Variants in NPAS3 observed in about 807,000 individuals in gnomAD.
NPAS3 encodes the protein neuronal PAS domain-containing protein 3.
A neutral mutation model predicts 73.1 loss-of-function variants in NPAS3; 14 were observed. The ratio of observed to expected loss-of-function variants is 0.19; its 90% CI spans 0.13 to 0.30. The LOEUF (loss-of-function observed/expected upper bound fraction) is 0.30, where lower values mean the gene tolerates loss of function less well. NPAS3 is among the 10% of genes least tolerant of loss of function. The pLI is 1.00. For synonymous variants in NPAS3, 620 were observed against 541.5 expected (o/e 1.14, Z -2.01); for missense variants, 1,096 against 1,250.0 (o/e 0.88, Z 1.86).
intron 1 of NPAS3, among the ~76,000 whole-genome samples, chr14:33,004,261 A>G (rs1289117345): frequency 6.6e-6 from 1 of 152,182 alleles, no homozygotes; most frequent in Non-Finnish European, 1.5e-5. Context: ...CAAACGTCAT[A>G]GAGTACATTT....
At chr14:32,943,572 T>C (rs2036120593) in intron 1 of NPAS3, among the ~76,000 whole-genome samples, 1 of 152,184 alleles carries the variant, frequency 6.6e-6, no homozygotes, top group Non-Finnish European at 1.5e-5. Flanking sequence ...CCCTGCTCTG[T>C]GGTGAGGTTT....
chr14:33,129,994 G>A (rs1265453470), intron 2 of NPAS3, among the ~76,000 whole-genome samples: 2 of 152,130 alleles, frequency 1.3e-5, no homozygotes, highest in African/African-American at 4.8e-5. Context: ...TGTGTAACAT[G>A]TAGTTTTGTC....
At chr14:33,087,811 T>A (rs542815258) in intron 2 of NPAS3, among the ~76,000 whole-genome samples, 2 of 152,310 alleles carry the variant, frequency 1.3e-5, no homozygotes, top group South Asian at 4.1e-4. Flanking sequence ...ATCAAATAGA[T>A]CAGTTTTCTT....
At chr14:33,288,325 C>A (rs559260231) in intron 3 of NPAS3, among the ~76,000 whole-genome samples, 4 of 152,234 alleles carry the variant, frequency 2.6e-5, no homozygotes, top group Non-Finnish European at 5.9e-5. Context: ...TAAGGCCAGA[C>A]TTTGAGCATC....
chr14:33,511,457 C>T (rs2053046890), intron 4 of NPAS3, among the ~76,000 whole-genome samples: 1 of 152,000 alleles, frequency 6.6e-6, no homozygotes, highest in South Asian at 2.1e-4. Flanking sequence ...AGAGAAAGGG[C>T]CAAATTTCTA....
chr14:33,723,361 CCATT>C (rs1323175840), intron 6 of NPAS3, among the ~76,000 whole-genome samples: 2 of 152,082 alleles, frequency 1.3e-5, no homozygotes. Context: ...ATAGGATTCC[CCATT>C]CAATTTGGAA....
At chr14:33,364,429 C>A (rs772303140) in intron 3 of NPAS3, among the ~76,000 whole-genome samples, 21 of 152,170 alleles carry the variant, frequency 1.4e-4, no homozygotes, top group Non-Finnish European at 2.5e-4. Flanking sequence ...CTACCAGGGA[C>A]ATAATGGGCT....
At chr14:33,342,233 G>A (rs944960092) in intron 3 of NPAS3, among the ~76,000 whole-genome samples, 2 of 152,202 alleles carry the variant, frequency 1.3e-5, no homozygotes, top group African/African-American at 4.8e-5. Context: ...GTGATCATAA[G>A]CTGTGAATTG....
intron 2 of NPAS3, among the ~76,000 whole-genome samples, chr14:33,195,629 T>G (rs1858229719): frequency 6.6e-6 from 1 of 152,248 alleles, no homozygotes; most frequent in African/African-American, 2.4e-5. Context: ...AACCACACTC[T>G]TCTTTCAGCT....
chr14:33,354,843 C>G (rs1377825068), intron 3 of NPAS3, among the ~76,000 whole-genome samples: 1 of 152,120 alleles, frequency 6.6e-6, no homozygotes, highest in Admixed American at 6.5e-5. Flanking sequence ...TCTCTACGGT[C>G]TTACTTAGTT....
intron 3 of NPAS3, among the ~76,000 whole-genome samples, chr14:33,361,895 A>G (rs1381872320): frequency 6.6e-6 from 1 of 152,212 alleles, no homozygotes; most frequent in Non-Finnish European, 1.5e-5. Flanking sequence ...CCAATTAACA[A>G]TGCGTGTCCC....
intron 1 of NPAS3, among the ~76,000 whole-genome samples, chr14:33,046,742 G>A (rs1006967394): frequency 2.0e-5 from 3 of 152,162 alleles, no homozygotes; most frequent in East Asian, 1.9e-4. Flanking sequence ...TTGAGAGGCC[G>A]AGGCAGGTGG....
chr14:33,464,566 T>C (rs1458610596), intron 4 of NPAS3, among the ~76,000 whole-genome samples: 1 of 152,178 alleles, frequency 6.6e-6, no homozygotes, highest in Non-Finnish European at 1.5e-5. Flanking sequence ...CCAAATGCGG[T>C]CCCTGACCCT....
intron 2 of NPAS3, among the ~76,000 whole-genome samples, chr14:33,096,103 C>T (rs1358993983): frequency 1.3e-5 from 2 of 151,510 alleles, no homozygotes; most frequent in Non-Finnish European, 2.9e-5. Flanking sequence ...TCACCCTCCC[C>T]TTTCTAATCT....
At chr14:33,675,079 T>C (rs1416742020) in intron 5 of NPAS3, among the ~76,000 whole-genome samples, 2 of 112,470 alleles carry the variant, frequency 1.8e-5, no homozygotes, top group Non-Finnish European at 4.2e-5. Context: ...ACCAAGAAAC[T>C]TGTGACAGTC....
chr14:33,184,192 C>A (rs947365332), intron 2 of NPAS3, among the ~76,000 whole-genome samples: 1 of 152,154 alleles, frequency 6.6e-6, no homozygotes, highest in African/African-American at 2.4e-5. Flanking sequence ...TGCCACAGAG[C>A]CTCCTGGGAG....
At chr14:33,395,543 TATAC>T (rs915630455) in intron 4 of NPAS3, among the ~76,000 whole-genome samples, 25 of 152,204 alleles carry the variant, frequency 1.6e-4, no homozygotes, top group African/African-American at 4.6e-4. Flanking sequence ...TATGTGCACG[TATAC>T]ATACATACAT....
chr14:33,552,494 A>G (rs2055163836), intron 4 of NPAS3, among the ~76,000 whole-genome samples: 1 of 152,150 alleles, frequency 6.6e-6, no homozygotes, highest in Non-Finnish European at 1.5e-5. Context: ...GAGTGAACTG[A>G]GCATTGTTTA....
intron 4 of NPAS3, among the ~76,000 whole-genome samples, chr14:33,468,912 TAC>T (rs930460915): frequency 2.9e-4 from 44 of 152,186 alleles, no homozygotes; most frequent in African/African-American, 1.1e-3. Context: ...AATTCTGAGC[TAC>T]AGTTAAGACC....
Sources: gnomAD v4.1 joint callset for allele counts (sites outside exome capture counted in the v4.1 genomes callset) on GRCh38, gnomAD v4.1.1 for gene constraint, MANE v1.5 for transcripts, NCBI Gene and HGNC (gene_info 2026-07-23, HGNC 2026-07-21) for gene names.